The following CD163L1 variants were observed in gnomAD, a reference collection of about 807,000 sequenced individuals.
CD163L1 encodes the protein CD163 molecule like 1.
Under a neutral mutation model 165.4 loss-of-function variants are expected in CD163L1, and 124 were observed. The ratio of observed to expected loss-of-function variants is 0.75; its 90% CI spans 0.65 to 0.87. CD163L1 has a LOEUF of 0.87. Among genes scored for constraint, CD163L1 ranks in the 40% least tolerant of loss-of-function variants. CD163L1 has a pLI of 0.00. For synonymous variants in CD163L1, 585 were observed against 662.2 expected, an observed-to-expected ratio of 0.88 and a Z score of 1.79; for missense variants, 1,525 against 1,799.9, an observed-to-expected ratio of 0.85 and a Z score of 2.76.
chr12:7,439,286 C>T (rs1366648417), intron 2 of CD163L1: 4 of 1,552,040 alleles, frequency 2.6e-6, no homozygotes, highest in Admixed American at 2.0e-5. Context: ...GTCTTTAAAT[C>T]TCTTATTTCA....
rs766071451 is a variant in CD163L1 at position 7,433,425 on chromosome 12, A to G, written c.394T>C (p.Trp132Arg). ...CCATGATAACAGTTATGGCTTCCCC[A>G]TTCCCGGTGTTGACATTCCCAGAGA... is the stretch of plus-strand genomic sequence containing the variant. ...SALWECQHRE[W>R]GSHNCYHGED... is the part of the protein sequence containing the mutation. Residue 132 changes from tryptophan to arginine, a missense_variant, in exon 3 of 20, where the codon TGG (tryptophan) becomes CGG (arginine). Trp to Arg is a moderately radical substitution (Grantham distance 101, BLOSUM62 -3). Coordinates refer to ENST00000313599, the MANE Select transcript of CD163L1 (RefSeq NM_174941.6). The G allele has an allele frequency of 1.9e-6, 3 of 1,611,038 alleles. No homozygotes were observed. The highest frequency in any genetic ancestry group is 2.5e-6 in the Non-Finnish European group (3 of 1,178,432).
chr12:7,323,502 G>A, the CD163L1 span: 1 of 1,613,850 alleles, frequency 6.2e-7, no homozygotes, highest in Non-Finnish European at 8.5e-7. Flanking sequence ...GGCAAAGAAG[G>A]GGAAATTGCC....
rs748528139 is a variant in CD163L1 at position 7,396,336 on chromosome 12, C to A, written c.1809G>T (p.Arg603=). 1 of 1,614,162 alleles carries A rather than the reference C, an allele frequency of 6.2e-7. No homozygotes were observed. The highest frequency in any genetic ancestry group is 1.7e-5 in the Admixed American group (1 of 60,018). ...AGCCGTCATCACACACTGTGCCCCA[C>A]CGTCCTTGAAAGTACACCTCCAGTC... ...SGRLEVYFQG[R]WGTVCDDGWN... is the part of the protein sequence containing the mutation. Residue 603 remains arginine, a synonymous_variant, in exon 8 of 20, where the codon CGG becomes CGT. Coordinates refer to ENST00000313599, the MANE Select transcript of CD163L1 (RefSeq NM_174941.6).
At chr12:7,365,302 C>T (rs1167419029) in intron 18 of CD163L1, among the ~76,000 whole-genome samples, 1 of 152,060 alleles carries the variant, frequency 6.6e-6, no homozygotes, top group Non-Finnish European at 1.5e-5. Flanking sequence ...AGACCTGAAA[C>T]TATGAAACAA....
chr12:7,422,067 T>A (rs1408058691), intron 4 of CD163L1, among the ~76,000 whole-genome samples: 3 of 152,034 alleles, frequency 2.0e-5, no homozygotes, highest in African/African-American at 7.2e-5. Flanking sequence ...GCCGGTGCCC[T>A]CTGGGACAAA....
chr12:7,414,970 T>C (rs1798474206), intron 4 of CD163L1, among the ~76,000 whole-genome samples: 1 of 152,106 alleles, frequency 6.6e-6, no homozygotes, highest in Non-Finnish European at 1.5e-5. Flanking sequence ...GAAATTTCAA[T>C]TGAAATAAAA....
intron 4 of CD163L1, among the ~76,000 whole-genome samples, chr12:7,415,850 A>T (rs1292224052): frequency 1.3e-5 from 2 of 152,124 alleles, no homozygotes; most frequent in African/African-American, 4.8e-5. Context: ...GTTGGTTCCA[A>T]GTCTTTGCTA....
chr12:7,374,563 C>T lies in CD163L1; in HGVS notation c.3288G>A (p.Gly1096=). ...TVSAHFGEGS[G]PIWLDDLNCT... ...AGTTCAGGTCATCCAGCCAGATGGGCCCTGACCCCTCCCCAAAGTGAGCAG... is the reference window on the plus strand; with the variant it reads ...AGTTCAGGTCATCCAGCCAGATGGGTCCTGACCCCTCCCCAAAGTGAGCAG... Residue 1096 remains glycine, a synonymous_variant, in exon 13 of 20, where the codon GGG becomes GGA. Transcript: ENST00000313599. This position sits in a 1 kb window ranked among gnomAD's most constrained non-coding sequence, Gnocchi z 5.4. The T allele has an allele frequency of 6.2e-7, 1 of 1,614,180 alleles. No homozygotes were observed. Among genetic ancestry groups the T allele is most frequent in the Non-Finnish European group, 8.5e-7 (1 of 1,180,014 alleles).
the CD163L1 span, among the ~76,000 whole-genome samples, chr12:7,320,087 T>C: frequency 7.9e-5 from 12 of 152,190 alleles, no homozygotes; most frequent in African/African-American, 2.9e-4. Flanking sequence ...TTAAGTTTAA[T>C]ACAAATTGTC....
chr12:7,399,346 TTTCA>T (rs200456291), intron 6 of CD163L1, among the ~76,000 whole-genome samples: 2 of 151,320 alleles, frequency 1.3e-5, no homozygotes, highest in East Asian at 1.9e-4. Flanking sequence ...TTCTCTCTTC[TTTCA>T]TTCTCTCTTC....
At chr12:7,379,451 T>C (rs183843778) in intron 8 of CD163L1, among the ~76,000 whole-genome samples, 153 bp from the exon 9 acceptor site, 59 of 152,340 alleles carry the variant, frequency 3.9e-4, no homozygotes, top group Admixed American at 6.5e-4. Flanking sequence ...TATTTTTTAC[T>C]TTCCTTCAAA....
At chr12:7,421,359 G>GTATA (rs768118738) in intron 4 of CD163L1, among the ~76,000 whole-genome samples, 1 of 95,086 alleles carries the variant, frequency 1.1e-5, no homozygotes, top group Non-Finnish European at 2.0e-5. Context: ...ATATATATGT[G>GTATA]TATATATGTA....
rs1225192497 is a variant in CD163L1 at position 7,421,542 on chromosome 12, CACATAT to C, written c.766+10868_766+10873del. Among the ~76,000 whole-genome samples the C allele has an allele frequency of 2.7e-3, 218 of 81,574 alleles. 21 individuals carry two copies. Among genetic ancestry groups the C allele is most frequent in the African/African-American group, 0.013 (190 of 14,360 alleles). The allele number at this position is 81,574 out of a possible 152,430, so 53.5% of individuals were successfully genotyped here. A position where few individuals can be genotyped will look rare whatever the true frequency, so the allele number is the denominator to read the frequency against. On this transcript the variant is annotated intron_variant, in intron 4 of 19. Transcript: ENST00000313599. ...ATATGTACATATATACATATACGTA[CACATAT>C]ACATATACATATATGTACATATATA...
chr12:7,421,034 T>TAC (rs1328558150), intron 4 of CD163L1, among the ~76,000 whole-genome samples: 12 of 110,850 alleles, frequency 1.1e-4, no homozygotes, highest in East Asian at 3.3e-4. Context: ...CATATATATA[T>TAC]ACGTGTATAT....
chr12:7,410,953 G>T (rs778206947), intron 4 of CD163L1, among the ~76,000 whole-genome samples: 13 of 151,010 alleles, frequency 8.6e-5, no homozygotes, highest in Admixed American at 2.0e-4. Flanking sequence ...AACTACAAGT[G>T]CAGGAACACA....
rs1947182460 is a variant in CD163L1, at chr12:7,373,353, T to C, written c.3697A>G (p.Ser1233Gly). ...LSAPWERRIS[S>G]PAEETWITCE... ...GTGATCCAGGTCTCTTCTGCTGGGC[T>C]GGAGATTCTTCGCTCCCATGGGGCA... is the stretch of plus-strand genomic sequence containing the variant. Residue 1233 changes from serine to glycine, a missense_variant, in exon 14 of 20, where the codon AGC becomes GGC. Ser to Gly is a moderately conservative substitution (Grantham distance 56). Coordinates refer to ENST00000313599, the MANE Select transcript of CD163L1 (RefSeq NM_174941.6). 1 of 1,613,798 alleles carries C rather than the reference T, an allele frequency of 6.2e-7. No homozygotes were observed.
At chr12:7,333,398 C>A in the CD163L1 span, among the ~76,000 whole-genome samples, 1 of 152,056 alleles carries the variant, frequency 6.6e-6, no homozygotes, top group Non-Finnish European at 1.5e-5. Context: ...CTACTGGGTA[C>A]ATAACGAAAT....
chr12:7,435,772 G>A (rs942234151), intron 2 of CD163L1, among the ~76,000 whole-genome samples: 5 of 152,054 alleles, frequency 3.3e-5, no homozygotes, highest in African/African-American at 1.2e-4. Flanking sequence ...TTTGACAATA[G>A]TAATGAAAAA....
At chr12:7,355,556 GT>G (rs1294313387) in intron 19 of CD163L1, among the ~76,000 whole-genome samples, 1 of 152,038 alleles carries the variant, frequency 6.6e-6, no homozygotes, top group African/African-American at 2.4e-5. Flanking sequence ...ACAAAAGTAG[GT>G]TTTTTTGTAT....
Sources: allele counts gnomAD v4.1 joint callset (sites outside exome capture counted in the v4.1 genomes callset), GRCh38; gene constraint gnomAD v4.1.1; non-coding constraint Gnocchi (gnomAD v3.1); transcripts MANE v1.5; gene names NCBI Gene and HGNC (gene_info 2026-07-23, HGNC 2026-07-21).